Variants in PIP5K1B observed in about 807,000 individuals in gnomAD.
PIP5K1B encodes phosphatidylinositol 4-phosphate 5-kinase type-1 beta.
In PIP5K1B, 42 loss-of-function variants were observed where a neutral mutation model predicts 67.0. That is an observed-to-expected ratio of 0.63 (90% CI 0.49 to 0.81). The LOEUF is 0.81. Among genes scored for constraint, PIP5K1B ranks in the 30% least tolerant of loss-of-function variants. The pLI is 0.00. For synonymous variants in PIP5K1B, 214 were observed against 231.4 expected (o/e 0.92, Z 0.68); for missense variants, 459 against 646.3 (o/e 0.71, Z 3.14).
At chr9:68,990,056 G>A (rs978000884) in intron 14 of PIP5K1B, among the ~76,000 whole-genome samples, 1 of 152,078 alleles carries the variant, frequency 6.6e-6, no homozygotes, top group African/African-American at 2.4e-5. Flanking sequence ...ACAAAACAAT[G>A]GTGGCTTCTC....
At chr9:68,918,104 T>C (rs1475657590) in intron 9 of PIP5K1B, among the ~76,000 whole-genome samples, 2 of 151,078 alleles carry the variant, frequency 1.3e-5, no homozygotes, top group African/African-American at 2.4e-5. Flanking sequence ...TATTTTTTTT[T>C]TTTGAGACAG....
chr9:68,831,648 C>T (rs2132111677), intron 4 of PIP5K1B, among the ~76,000 whole-genome samples: 1 of 152,224 alleles, frequency 6.6e-6, no homozygotes, highest in African/African-American at 2.4e-5. Flanking sequence ...TAAACTCAGA[C>T]AGCTTTGGAA....
chr9:68,834,590 T>C (rs1028407129), intron 4 of PIP5K1B, among the ~76,000 whole-genome samples: 3 of 152,206 alleles, frequency 2.0e-5, no homozygotes, highest in Non-Finnish European at 4.4e-5. Context: ...TTTTTTCTTC[T>C]TAATTCTAAG....
intron 4 of PIP5K1B, among the ~76,000 whole-genome samples, chr9:68,841,416 T>C (rs965718588): frequency 6.6e-6 from 1 of 152,228 alleles, no homozygotes; most frequent in Admixed American, 6.5e-5. Flanking sequence ...CAGATCATGT[T>C]TATGAAGCAT....
chr9:68,813,455 G>T (rs1163843520), intron 2 of PIP5K1B, among the ~76,000 whole-genome samples: 2 of 152,196 alleles, frequency 1.3e-5, no homozygotes, highest in South Asian at 2.1e-4. Flanking sequence ...AAAGAGAAAA[G>T]AGATGTCATG....
chr9:68,785,697 C>T (rs1197456950), intron 2 of PIP5K1B, among the ~76,000 whole-genome samples: 1 of 152,090 alleles, frequency 6.6e-6, no homozygotes, highest in African/African-American at 2.4e-5. Flanking sequence ...CCCAGGATTC[C>T]AGAGCTGGGA....
intron 14 of PIP5K1B, among the ~76,000 whole-genome samples, chr9:68,957,011 A>G (rs1259302212): frequency 6.6e-6 from 1 of 152,130 alleles, no homozygotes; most frequent in Non-Finnish European, 1.5e-5. Context: ...AGAATAAAGG[A>G]TATTTGTCAT....
At chr9:68,936,035 A>G (rs916595158) in intron 13 of PIP5K1B, 4 of 152,196 alleles carry the variant, frequency 2.6e-5, no homozygotes, top group Non-Finnish European at 4.4e-5. Context: ...TTGTACATAT[A>G]CCTTTTGTTA....
intron 4 of PIP5K1B, among the ~76,000 whole-genome samples, chr9:68,863,284 T>C (rs895786865): frequency 6.6e-6 from 1 of 152,190 alleles, no homozygotes; most frequent in Non-Finnish European, 1.5e-5. Flanking sequence ...CATTAGGCAG[T>C]GCAAGGCATA....
chr9:68,987,294 C>T (rs140843059), intron 14 of PIP5K1B, among the ~76,000 whole-genome samples: 4 of 149,102 alleles, frequency 2.7e-5, no homozygotes, highest in Non-Finnish European at 4.5e-5. Context: ...CCAGGCGTGG[C>T]GGCTTATGCC....
chr9:68,963,253 A>G (rs752475100), intron 14 of PIP5K1B: 1 of 455,902 alleles, frequency 2.2e-6, no homozygotes, highest in South Asian at 1.6e-5. Flanking sequence ...CTGTAATCCC[A>G]GCACTTTGCG....
intron 14 of PIP5K1B, among the ~76,000 whole-genome samples, chr9:68,989,648 C>G (rs1587769786): frequency 6.6e-6 from 1 of 152,030 alleles, no homozygotes; most frequent in East Asian, 1.9e-4. Flanking sequence ...TTTTGTATAT[C>G]CATGAGCCCC....
intron 2 of PIP5K1B, among the ~76,000 whole-genome samples, chr9:68,790,043 A>G (rs1191404279): frequency 1.3e-5 from 2 of 152,174 alleles, no homozygotes; most frequent in African/African-American, 4.8e-5. Flanking sequence ...TCCTAGGGAA[A>G]CAAAGACAAC....
At chr9:68,893,651 T>C (rs1278239602) in intron 7 of PIP5K1B, among the ~76,000 whole-genome samples, 1 of 151,856 alleles carries the variant, frequency 6.6e-6, no homozygotes, top group Non-Finnish European at 1.5e-5. Flanking sequence ...TTTTAAATAA[T>C]AAAAAAGACA....
chr9:68,975,269 AT>A (rs1829582737), intron 14 of PIP5K1B, among the ~76,000 whole-genome samples: 1 of 150,566 alleles, frequency 6.6e-6, no homozygotes, highest in South Asian at 2.1e-4. Context: ...GGGTTTCGCC[AT>A]TTTCCCCAGG....
chr9:68,721,288 A>C lies in PIP5K1B; in HGVS notation c.-243+15526A>C, dbSNP rs141143570. 5.3e-5 allele frequency among the ~76,000 whole-genome samples: 8 copies of C among 152,334 alleles called. No homozygotes were observed. In the East Asian group the frequency reaches 1.5e-3, roughly 29 times the overall value. On this transcript the variant is annotated intron_variant, in intron 1 of 15. Transcript: ENST00000265382. ...GAAGGGTAAGAGACTGGAGATAGGG[A>C]GACTAATCACAGAAGAGATGAAAAG...
chr9:68,937,040 A>G (rs765793310), intron 13 of PIP5K1B, among the ~76,000 whole-genome samples: 4 of 152,220 alleles, frequency 2.6e-5, no homozygotes, highest in Non-Finnish European at 5.9e-5. Context: ...TTTGGCATCA[A>G]TGTTCATCAG....
chr9:68,784,285 T>G (rs1831482539), intron 2 of PIP5K1B: 2 of 165,878 alleles, frequency 1.2e-5, no homozygotes, highest in Non-Finnish European at 1.5e-5. Context: ...ATAAACTTTG[T>G]GCAAGAAGTC....
In PIP5K1B at chr9:68,970,725, A is replaced by C. The variant is rs1241793041; in HGVS notation, c.1503-20415A>C. Among the ~76,000 whole-genome samples, 4 of 152,376 alleles carry C rather than the reference A, an allele frequency of 2.6e-5. No individual in the cohort carries two copies. The South Asian group carries it at 8.3e-4, about 32-fold the overall frequency. On this transcript the variant is annotated intron_variant, in intron 14 of 15. Transcript: ENST00000265382. ...CTCTGTTAAGAAATCACATATAAAC[A>C]TATGGATTTGAGCACCCCCTGCGAT...
Sources: allele counts gnomAD v4.1 joint callset (sites outside exome capture counted in the v4.1 genomes callset), GRCh38; gene constraint gnomAD v4.1.1; transcripts MANE v1.5; gene names NCBI Gene and HGNC (gene_info 2026-07-23, HGNC 2026-07-21).